The following CFAP97D2 variants were observed in gnomAD, a reference collection of about 807,000 sequenced individuals.
CFAP97D2 encodes the protein CFAP97 domain containing 2, also known as uncharacterized protein CFAP97D2.
intron 3 of CFAP97D2, among the ~76,000 whole-genome samples, chr13:114,200,838 G>A (rs1293426691): frequency 6.6e-6 from 1 of 152,344 alleles, no homozygotes; most frequent in East Asian, 1.9e-4. Flanking sequence ...TTGCAGTTCG[G>A]CGGCGGAGGA....
At chr13:114,205,454 G>A (rs962296273) in intron 3 of CFAP97D2, among the ~76,000 whole-genome samples, 2 of 152,110 alleles carry the variant, frequency 1.3e-5, no homozygotes, top group African/African-American at 4.8e-5. Flanking sequence ...CAGCTTTTTA[G>A]TGCATTCCTT....
rs543386582 is a variant in CFAP97D2 at position 114,212,282 on chromosome 13, C to T, written c.480+181C>T. On this transcript the variant is annotated intron_variant, in intron 4 of 4. Coordinates refer to ENST00000646158, the Ensembl canonical transcript of CFAP97D2. ...TGTAACAGGAGATGCAAAACAGTCA[C>T]TCAGCTGATGACCTCACCCACCACG... is the stretch of plus-strand genomic sequence containing the variant. 76 of 391,780 alleles carry T rather than the reference C, an allele frequency of 1.9e-4. 1 individual carries two copies. In the East Asian group the frequency reaches 2.6e-3, roughly 13 times the overall value. 24.3% of individuals were successfully genotyped at this position (391,780 alleles called of 1,614,324 possible).
chr13:114,209,340 A>G (rs908178670), intron 3 of CFAP97D2, among the ~76,000 whole-genome samples: 4 of 152,128 alleles, frequency 2.6e-5, no homozygotes, highest in African/African-American at 7.2e-5. Context: ...GCACAATAAC[A>G]CGAGTAGGTG....
intron 4 of CFAP97D2, among the ~76,000 whole-genome samples, chr13:114,213,265 A>G (rs2080976324): frequency 6.6e-6 from 1 of 151,800 alleles, no homozygotes; most frequent in African/African-American, 2.4e-5. Context: ...AGGACCATGG[A>G]CCCCACCCCT....
At chr13:114,221,195 C>T (rs780970689) in intron 4 of CFAP97D2, among the ~76,000 whole-genome samples, 2 of 152,242 alleles carry the variant, frequency 1.3e-5, no homozygotes, top group African/African-American at 2.4e-5. Flanking sequence ...TGCAGTGAGC[C>T]GACATCGCGC....
chr13:114,216,470 G>A (rs2080993821), intron 4 of CFAP97D2, among the ~76,000 whole-genome samples: 1 of 151,822 alleles, frequency 6.6e-6, no homozygotes, highest in African/African-American at 2.4e-5. Flanking sequence ...GCCCCGGTGT[G>A]TGACGCTAAC....
At chr13:114,183,624 A>T (rs2080845021) in intron 1 of CFAP97D2, among the ~76,000 whole-genome samples, 1 of 152,182 alleles carries the variant, frequency 6.6e-6, no homozygotes, top group Non-Finnish European at 1.5e-5. Context: ...TGAAAGGAAC[A>T]AAAGGGATGA....
rs139438089 is a variant in CFAP97D2 at position 114,212,695 on chromosome 13, A to G, written c.480+594A>G. Among the ~76,000 whole-genome samples, 349 of 152,238 alleles carry G rather than the reference A, an allele frequency of 2.3e-3. 1 individual carries two copies. The highest frequency in any genetic ancestry group is 8.2e-3 in the African/African-American group (340 of 41,540). ...AAACCCTGTCTCTACTAAAAAAAATACAAAAAATTAGCCAAGTATGGTGGC... is the reference window on the plus strand; with the variant it reads ...AAACCCTGTCTCTACTAAAAAAAATGCAAAAAATTAGCCAAGTATGGTGGC... On this transcript the variant is annotated intron_variant, in intron 4 of 4. Transcript: ENST00000646158.
intron 1 of CFAP97D2, among the ~76,000 whole-genome samples, chr13:114,180,652 A>T (rs1021109301): frequency 6.6e-6 from 1 of 152,218 alleles, no homozygotes; most frequent in Non-Finnish European, 1.5e-5. Flanking sequence ...CTCTGCACGT[A>T]GAGTGTGGAG....
chr13:114,219,321 G>A (rs7994709), intron 4 of CFAP97D2, among the ~76,000 whole-genome samples: 20,257 of 152,072 alleles, frequency 0.13, 1,633 homozygotes, highest in African/African-American at 0.24. Context: ...TAAGTATATT[G>A]TATTTGTTCT....
At position 114,211,551 on chromosome 13, in the gene CFAP97D2, G is replaced by A. The variant is rs902268337; in HGVS notation, c.291-361G>A. Among the ~76,000 whole-genome samples the A allele has an allele frequency of 6.6e-6, 1 of 150,812 alleles. No individual in the cohort carries two copies. Among genetic ancestry groups the A allele is most frequent in the East Asian group, 2.0e-4 (1 of 5,108 alleles). On this transcript the variant is annotated intron_variant, in intron 3 of 4. Transcript: ENST00000646158. The surrounding 1 kb of genome is among the most constrained non-coding windows in gnomAD (Gnocchi z 4.2). The stretch of plus-strand genomic sequence containing the variant: ...CTCCGCCATGGGTGCCCGGGTGCTC[G>A]CCCTCCCTGCCTGGGACCCCACTCT...
chr13:114,193,006 CTTAA>C (rs1267474635), intron 1 of CFAP97D2, among the ~76,000 whole-genome samples: 1 of 152,178 alleles, frequency 6.6e-6, no homozygotes, highest in Non-Finnish European at 1.5e-5. Context: ...AAGCCAGTAT[CTTAA>C]TTAATAGAAA....
Position 114,179,515 on chromosome 13 carries a change from G to A in CFAP97D2, c.90+95G>A, listed in dbSNP as rs111277755. 2.3e-3 allele frequency: 921 copies of A among 396,466 alleles called. 7 individuals carry two copies. The highest frequency in any genetic ancestry group is 9.1e-3 in the African/African-American group (445 of 48,678). 24.6% of individuals were successfully genotyped at this position (396,466 alleles called of 1,614,324 possible). On this transcript the variant is annotated intron_variant, in intron 1 of 4. Coordinates refer to ENST00000646158, the Ensembl canonical transcript of CFAP97D2. The surrounding 1 kb of genome is among the most constrained non-coding windows in gnomAD (Gnocchi z 4.8). Reference sequence around the variant, plus strand: ...CTGCTTTCCCTGGAGTCCTGGAGGTGATTTTCTTTTTGGAGACAGCATGGT... The same window carrying A: ...CTGCTTTCCCTGGAGTCCTGGAGGTAATTTTCTTTTTGGAGACAGCATGGT...
intron 2 of CFAP97D2, among the ~76,000 whole-genome samples, chr13:114,198,562 A>T (rs2080898010): frequency 6.6e-6 from 1 of 152,260 alleles, no homozygotes; most frequent in South Asian, 2.1e-4. Flanking sequence ...GCCTCGCCTC[A>T]GTGTTACTCT....
intron 1 of CFAP97D2, among the ~76,000 whole-genome samples, chr13:114,182,433 A>C (rs1018006241): frequency 2.2e-4 from 34 of 151,846 alleles, no homozygotes; most frequent in African/African-American, 7.3e-4. Context: ...GCCTTCCTCT[A>C]TCTCAACTGC....
chr13:114,212,925 C>G (rs981640022), intron 4 of CFAP97D2, among the ~76,000 whole-genome samples: 2 of 152,090 alleles, frequency 1.3e-5, no homozygotes, highest in African/African-American at 4.8e-5. Flanking sequence ...CCTGAATTAG[C>G]TGTCCCACAG....
At chr13:114,202,993 G>T (rs1202900849) in intron 3 of CFAP97D2, among the ~76,000 whole-genome samples, 1 of 152,126 alleles carries the variant, frequency 6.6e-6, no homozygotes, top group Admixed American at 6.5e-5. Flanking sequence ...TTTGCCCAGA[G>T]GAAGAAGCAG....
Position 114,211,199 on chromosome 13 carries a change from G to A in CFAP97D2, c.291-713G>A, listed in dbSNP as rs774820582. On this transcript the variant is annotated intron_variant, in intron 3 of 4. Transcript: ENST00000646158. This position sits in a 1 kb window ranked among gnomAD's most constrained non-coding sequence, Gnocchi z 4.2. ...CCAGGGTCAAACCCCTACTCTAGGCGCTTCCGCAGCCCCCCATGGCTCCCT... is the reference window on the plus strand; with the variant it reads ...CCAGGGTCAAACCCCTACTCTAGGCACTTCCGCAGCCCCCCATGGCTCCCT... Among the ~76,000 whole-genome samples, 2 of 152,120 alleles carry A rather than the reference G, an allele frequency of 1.3e-5. No individual in the cohort carries two copies. Among genetic ancestry groups the A allele is most frequent in the African/African-American group, 2.4e-5 (1 of 41,428 alleles).
In CFAP97D2 at chr13:114,187,556, G is replaced by A. The variant is rs9562136; in HGVS notation, c.90+8136G>A. The stretch of plus-strand genomic sequence containing the variant: ...AAAATGGGGTCGATTCTCCAAAAAG[G>A]CATAATAATCCTTAATGTGCAAGCA... On this transcript the variant is annotated intron_variant, in intron 1 of 4. Transcript: ENST00000646158. This position sits in a 1 kb window ranked among gnomAD's most constrained non-coding sequence, Gnocchi z 4.2. Among the ~76,000 whole-genome samples, 3 of 152,012 alleles carry A rather than the reference G, an allele frequency of 2.0e-5. No individual in the cohort carries two copies. Among genetic ancestry groups the A allele is most frequent in the Non-Finnish European group, 4.4e-5 (3 of 68,006 alleles).
Sources: gnomAD v4.1 joint callset for allele counts (sites outside exome capture counted in the v4.1 genomes callset) on GRCh38, gnomAD v4.1.1 for gene constraint, Gnocchi (gnomAD v3.1) non-coding constraint, MANE v1.5 for transcripts, NCBI Gene and HGNC (gene_info 2026-07-23, HGNC 2026-07-21) for gene names.